The following TMEM132D variants were observed in gnomAD, a reference collection of about 807,000 sequenced individuals.
TMEM132D encodes mature OL transmembrane protein.
Under a neutral mutation model 62.3 loss-of-function variants are expected in TMEM132D, and 21 were observed. The observed-to-expected ratio is 0.34, with a 90% CI of 0.24 to 0.49. TMEM132D has a LOEUF of 0.49. Ranked by LOEUF, TMEM132D falls within the 20% of genes least tolerant of loss-of-function variation. The pLI is 0.99. For missense variants in TMEM132D, 1,346 were observed against 1,402.8 expected, an observed-to-expected ratio of 0.96 and a Z score of 0.65; for synonymous variants, 621 against 575.6, an observed-to-expected ratio of 1.08 and a Z score of -1.13.
intron 1 of TMEM132D, among the ~76,000 whole-genome samples, chr12:129,744,214 T>C (rs1183474004): frequency 2.6e-5 from 4 of 152,218 alleles, no homozygotes; most frequent in Non-Finnish European, 5.9e-5. Flanking sequence ...AAGAATTACA[T>C]AAATGTTAGC....
chr12:129,549,743 G>T (rs372706536), intron 2 of TMEM132D, among the ~76,000 whole-genome samples: 1 of 152,198 alleles, frequency 6.6e-6, no homozygotes, highest in South Asian at 2.1e-4. Context: ...TGAGCTGAAG[G>T]CCTGTTTGTC....
chr12:129,623,772 CACATATATATATAT>C (rs1357823103), intron 2 of TMEM132D, among the ~76,000 whole-genome samples: 1 of 149,124 alleles, frequency 6.7e-6, no homozygotes, highest in Admixed American at 6.7e-5. Flanking sequence ...CATATATATA[CACATATATATATAT>C]TCCACATTTT....
chr12:129,502,630 C>T (rs7295983), intron 3 of TMEM132D, among the ~76,000 whole-genome samples: 1 of 152,064 alleles, frequency 6.6e-6, no homozygotes, highest in Non-Finnish European at 1.5e-5. Context: ...GAGAGCAATG[C>T]TATATGATAT....
intron 4 of TMEM132D, among the ~76,000 whole-genome samples, chr12:129,236,045 A>G (rs1332820803): frequency 1.3e-5 from 2 of 150,706 alleles, no homozygotes; most frequent in African/African-American, 4.9e-5. Flanking sequence ...TACAGTTCTC[A>G]GTGTACAGAT....
At chr12:129,352,289 A>G (rs111421648) in intron 3 of TMEM132D, among the ~76,000 whole-genome samples, 23 of 152,218 alleles carry the variant, frequency 1.5e-4, no homozygotes, top group Non-Finnish European at 2.9e-4. Context: ...AAATATAGTA[A>G]TAAGAAAATT....
intron 2 of TMEM132D, among the ~76,000 whole-genome samples, chr12:129,571,140 T>C (rs1288107841): frequency 6.6e-6 from 1 of 152,232 alleles, no homozygotes; most frequent in Non-Finnish European, 1.5e-5. Flanking sequence ...AAAGGGAAGT[T>C]GTCCTCTTTC....
chr12:129,118,100 T>C (rs1336996234), intron 5 of TMEM132D, among the ~76,000 whole-genome samples: 1 of 152,228 alleles, frequency 6.6e-6, no homozygotes, highest in Non-Finnish European at 1.5e-5. Flanking sequence ...TTTTAAAACA[T>C]AATGGCCACC....
intron 8 of TMEM132D, among the ~76,000 whole-genome samples, chr12:129,077,612 TAC>T (rs1053853997): frequency 2.1e-4 from 31 of 151,058 alleles, no homozygotes; most frequent in African/African-American, 6.3e-4. Flanking sequence ...AACACAAGCA[TAC>T]ACACAACAGA....
chr12:129,596,173 A>G (rs926191938), intron 2 of TMEM132D, among the ~76,000 whole-genome samples: 1 of 152,194 alleles, frequency 6.6e-6, no homozygotes, highest in East Asian at 1.9e-4. Flanking sequence ...TATCAGGAGT[A>G]CAATGGAAAA....
intron 1 of TMEM132D, among the ~76,000 whole-genome samples, chr12:129,767,151 C>T (rs888876606): frequency 1.3e-5 from 2 of 152,144 alleles, no homozygotes; most frequent in Non-Finnish European, 2.9e-5. Flanking sequence ...CAAGAAGCTG[C>T]CCTGTATCAA....
intron 2 of TMEM132D, among the ~76,000 whole-genome samples, chr12:129,549,498 G>A (rs1200729976): frequency 6.6e-6 from 1 of 152,178 alleles, no homozygotes; most frequent in Admixed American, 6.5e-5. Flanking sequence ...CCTTTGGCTT[G>A]GTTCTCATTC....
chr12:129,709,765 T>G (rs1828127798), intron 1 of TMEM132D, among the ~76,000 whole-genome samples: 1 of 152,208 alleles, frequency 6.6e-6, no homozygotes, highest in African/African-American at 2.4e-5. Context: ...AAATTATTAT[T>G]GACTGAATAA....
intron 3 of TMEM132D, among the ~76,000 whole-genome samples, chr12:129,456,131 T>C (rs1873457101): frequency 1.3e-5 from 2 of 152,202 alleles, no homozygotes; most frequent in Non-Finnish European, 2.9e-5. Flanking sequence ...AATTCTGTTT[T>C]AGACTTTGGT....
intron 5 of TMEM132D, among the ~76,000 whole-genome samples, chr12:129,103,662 C>T (rs999860805): frequency 5.9e-5 from 9 of 152,196 alleles, no homozygotes; most frequent in Non-Finnish European, 1.0e-4. Context: ...GGATTACAGG[C>T]GTGAGCCACC....
intron 1 of TMEM132D, among the ~76,000 whole-genome samples, chr12:129,818,554 T>C (rs1013100336): frequency 3.4e-5 from 5 of 147,936 alleles, no homozygotes; most frequent in African/African-American, 1.3e-4. Flanking sequence ...ATGTGTGTGG[T>C]GAGGTGTATG....
At chr12:129,300,303 G>A (rs750729876) in intron 4 of TMEM132D, among the ~76,000 whole-genome samples, 9 of 152,132 alleles carry the variant, frequency 5.9e-5, no homozygotes, top group South Asian at 4.1e-4. Flanking sequence ...AAGAGGAGAG[G>A]GTTCTGAGAG....
At chr12:129,430,840 T>G (rs924276743) in intron 3 of TMEM132D, among the ~76,000 whole-genome samples, 2 of 152,176 alleles carry the variant, frequency 1.3e-5, no homozygotes, top group African/African-American at 4.8e-5. Context: ...GTTCTTTTAT[T>G]CACTCCTTAA....
At chr12:129,259,791 G>C (rs1374446498) in intron 4 of TMEM132D, among the ~76,000 whole-genome samples, 1 of 152,172 alleles carries the variant, frequency 6.6e-6, no homozygotes. Context: ...ACATTATTTA[G>C]GAGCAAAGCT....
chr12:129,164,226 C>A (rs1209012924), intron 5 of TMEM132D, among the ~76,000 whole-genome samples: 1 of 152,240 alleles, frequency 6.6e-6, no homozygotes, highest in Non-Finnish European at 1.5e-5. Flanking sequence ...TCCCGGTCAA[C>A]TCATGTCAAA....
Sources: gnomAD v4.1 joint callset for allele counts (sites outside exome capture counted in the v4.1 genomes callset) on GRCh38, gnomAD v4.1.1 for gene constraint, MANE v1.5 for transcripts, NCBI Gene and HGNC (gene_info 2026-07-23, HGNC 2026-07-21) for gene names.